The following SMAP1 variants were observed in gnomAD, a reference collection of about 807,000 sequenced individuals.
The protein encoded by SMAP1 is stromal membrane-associated protein 1.
In SMAP1, 24 loss-of-function variants were observed where a neutral mutation model predicts 58.5. The observed-to-expected ratio is 0.41, with a 90% confidence interval of 0.30 to 0.58. SMAP1 has a LOEUF of 0.58. Among genes scored for constraint, SMAP1 ranks in the 20% least tolerant of loss-of-function variants. The pLI, the probability that SMAP1 is intolerant of heterozygous loss-of-function variation, is 0.29. For synonymous variants in SMAP1, 216 were observed against 196.6 expected (o/e 1.10, Z -0.82); for missense variants, 563 against 566.3 (o/e 0.99, Z 0.06).
At chr6:70,782,619 T>G (rs1471860745) in intron 4 of SMAP1, among the ~76,000 whole-genome samples, 5 of 152,226 alleles carry the variant, frequency 3.3e-5, no homozygotes, top group African/African-American at 1.2e-4. Context: ...GAATTGGCTC[T>G]CCTTGCTCTT....
Position 70,861,121 on chromosome 6 carries a change from A to C in SMAP1, c.*787A>C, listed in dbSNP as rs1351182653. 1.8e-5 allele frequency: 3 copies of C among 169,332 alleles called. No homozygotes were observed. Among genetic ancestry groups the C allele is most frequent in the Non-Finnish European group, 2.5e-5 (2 of 79,408 alleles). 10.5% of individuals were successfully genotyped at this position (169,332 alleles called of 1,614,324 possible). A position where few individuals can be genotyped will look rare whatever the true frequency, so the allele number is the denominator to read the frequency against. On this transcript the variant is annotated 3_prime_UTR_variant, in exon 11 of 11. Coordinates refer to ENST00000370455, the MANE Select transcript of SMAP1 (RefSeq NM_001044305.3). ...ATTGTGTTTACATTTTATGGTGCCT[A>C]GTATTGACAAAATGTTATTTCCCTA...
intron 4 of SMAP1, among the ~76,000 whole-genome samples, chr6:70,781,225 G>C (rs941428147): frequency 6.6e-6 from 1 of 152,100 alleles, no homozygotes; most frequent in African/African-American, 2.4e-5. Flanking sequence ...CTTGGCCACA[G>C]ATTTTAAAGT....
rs141696710 is a variant in SMAP1 at position 70,678,588 on chromosome 6, T to G, written c.118+10447T>G. Among the ~76,000 whole-genome samples the G allele has an allele frequency of 8.5e-3, 1,295 of 152,340 alleles. 8 individuals are homozygous for G. Among genetic ancestry groups the G allele is most frequent in the Non-Finnish European group, 0.013 (899 of 68,020 alleles). ...AAAAAATCCTACAAACTGAATGGCT[T>G]AAAACAATACCAATTTATCATTTTA... On this transcript the variant is annotated intron_variant, in intron 1 of 10. Transcript: ENST00000370455.
chr6:70,861,084 T>A lies in SMAP1; in HGVS notation c.*750T>A, dbSNP rs1771703507. The A allele has an allele frequency of 5.3e-6, 1 of 188,280 alleles. No individual in the cohort carries two copies. Among genetic ancestry groups the A allele is most frequent in the Admixed American group, 6.1e-5 (1 of 16,518 alleles). 11.7% of individuals were successfully genotyped at this position (188,280 alleles called of 1,614,324 possible). A position where few individuals can be genotyped will look rare whatever the true frequency, so the allele number is the denominator to read the frequency against. On this transcript the variant is annotated 3_prime_UTR_variant, in exon 11 of 11. Transcript: ENST00000370455. ...TTCAATCCTTGAAGGTATATCTAGGTTTATGACAGTAATTGTGTTTACATT... is the reference window on the plus strand; with the variant it reads ...TTCAATCCTTGAAGGTATATCTAGGATTATGACAGTAATTGTGTTTACATT...
At chr6:70,777,760 T>C (rs1168045337) in intron 4 of SMAP1, among the ~76,000 whole-genome samples, 1 of 151,842 alleles carries the variant, frequency 6.6e-6, no homozygotes, top group Non-Finnish European at 1.5e-5. Context: ...TTATTAAGTT[T>C]TTTTTTTTTT....
At chr6:70,681,932 C>T (rs1766727189) in intron 1 of SMAP1, among the ~76,000 whole-genome samples, 1 of 151,956 alleles carries the variant, frequency 6.6e-6, no homozygotes, top group African/African-American at 2.4e-5. Context: ...AGCAAGTTCT[C>T]TAAGAAGCAA....
chr6:70,706,319 ATCTT>A (rs1767836541), intron 1 of SMAP1, among the ~76,000 whole-genome samples: 2 of 152,222 alleles, frequency 1.3e-5, no homozygotes, highest in African/African-American at 2.4e-5. Context: ...CCCCCCAACT[ATCTT>A]AAAATCTTAA....
intron 2 of SMAP1, among the ~76,000 whole-genome samples, chr6:70,751,925 T>TGA (rs1279015445): frequency 6.6e-6 from 1 of 152,122 alleles, no homozygotes; most frequent in East Asian, 1.9e-4. Context: ...TTGCAACCAG[T>TGA]CTGCTTGACG....
intron 3 of SMAP1, among the ~76,000 whole-genome samples, chr6:70,771,277 C>G (rs932277849): frequency 2.0e-5 from 3 of 152,242 alleles, no homozygotes; most frequent in African/African-American, 7.2e-5. Context: ...CTGTTCTCTT[C>G]AAAGCTGTCA....
intron 2 of SMAP1, among the ~76,000 whole-genome samples, chr6:70,744,079 T>C (rs1765920225): frequency 6.6e-6 from 1 of 152,162 alleles, no homozygotes; most frequent in Non-Finnish European, 1.5e-5. Context: ...TTTTAGAATT[T>C]TCTGTTACAT....
At chr6:70,685,069 T>A (rs1350159952) in intron 1 of SMAP1, among the ~76,000 whole-genome samples, 5 of 152,236 alleles carry the variant, frequency 3.3e-5, no homozygotes, top group Admixed American at 2.0e-4. Flanking sequence ...TGTGAAGTAA[T>A]GTCTGGCACA....
At chr6:70,796,743 G>C (rs1336423861) in intron 5 of SMAP1, among the ~76,000 whole-genome samples, 1 of 152,072 alleles carries the variant, frequency 6.6e-6, no homozygotes, top group East Asian at 1.9e-4. Context: ...TAATGTTTAA[G>C]GCAAAATGTC....
At chr6:70,718,062 A>G (rs982918092) in intron 1 of SMAP1, among the ~76,000 whole-genome samples, 1 of 152,064 alleles carries the variant, frequency 6.6e-6, no homozygotes, top group African/African-American at 2.4e-5. Flanking sequence ...CAAGCTCCAC[A>G]AGCTCCCCTT....
intron 3 of SMAP1, among the ~76,000 whole-genome samples, chr6:70,766,873 G>A (rs1419999291): frequency 4.6e-5 from 7 of 152,196 alleles, no homozygotes; most frequent in Admixed American, 6.5e-5. Context: ...GGCTTTTATG[G>A]TTTTAGGTCT....
chr6:70,779,325 A>C (rs1767667691), intron 4 of SMAP1, among the ~76,000 whole-genome samples: 1 of 152,142 alleles, frequency 6.6e-6, no homozygotes, highest in Non-Finnish European at 1.5e-5. Flanking sequence ...TGCTGGGATT[A>C]TTGGGCTTCA....
intron 6 of SMAP1, among the ~76,000 whole-genome samples, chr6:70,826,934 CAAAAAAAAAAAAAA>C (rs61069311): frequency 9.1e-5 from 7 of 76,630 alleles, no homozygotes; most frequent in Admixed American, 3.5e-4. Flanking sequence ...AACCGTGTCT[CAAAAAAAAAAAAAA>C]AAAAAAAAAA....
chr6:70,854,547 G>T (rs569847784), intron 8 of SMAP1, among the ~76,000 whole-genome samples: 1 of 151,978 alleles, frequency 6.6e-6, no homozygotes, highest in African/African-American at 2.4e-5. Flanking sequence ...GCTTGAACCC[G>T]GGAGGCAGAG....
At position 70,746,285 on chromosome 6, in the gene SMAP1, T is replaced by G. The variant is rs565131741; in HGVS notation, c.253-8695T>G. On this transcript the variant is annotated intron_variant, in intron 2 of 10. Coordinates refer to ENST00000370455, the MANE Select transcript of SMAP1 (RefSeq NM_001044305.3). The stretch of plus-strand genomic sequence containing the variant: ...AGGGAATGCTTCTAGGTTTTGCCCA[T>G]TCAGTATGATATTGGCTGTGGGTTT... Among the ~76,000 whole-genome samples the G allele has an allele frequency of 9.2e-4, 140 of 152,344 alleles. 2 individuals carry two copies. The highest frequency in any genetic ancestry group is 1.7e-3 in the Non-Finnish European group (114 of 68,034).
Position 70,860,236 on chromosome 6 carries a change from G to A in SMAP1, c.1306G>A (p.Ala436Thr). ...QQMAGMSISS[A>T]TPTAGFGQPS... The stretch of plus-strand genomic sequence containing the variant: ...GATGGCTGGCATGAGTATCAGTAGT[G>A]CAACCCCTACTGCAGGTTTTGGCCA... The change falls in exon 11 of 11, where the codon GCA (alanine) becomes ACA (threonine). Residue 436 changes from alanine to threonine, a missense_variant. By Grantham distance (58) the Ala-to-Thr change is moderately conservative. This residue lies in a region of SMAP1 where 494 missense variants were observed against 473.8 expected (regional missense o/e 1.04). Transcript: ENST00000370455. 6.2e-7 allele frequency: 1 copy of A among 1,613,594 alleles called. No individual in the cohort carries two copies. Among genetic ancestry groups the A allele is most frequent in the South Asian group, 1.1e-5 (1 of 91,012 alleles).
Sources: allele counts gnomAD v4.1 joint callset (sites outside exome capture counted in the v4.1 genomes callset), GRCh38; gene constraint gnomAD v4.1.1; regional missense constraint gnomAD v4.1.1; transcripts MANE v1.5; gene names NCBI Gene and HGNC (gene_info 2026-07-23, HGNC 2026-07-21).